The following KCTD20 variants were observed in gnomAD, a reference collection of about 807,000 sequenced individuals.
The protein encoded by KCTD20 is BTB/POZ domain-containing protein KCTD20.
A neutral mutation model predicts 39.6 loss-of-function variants in KCTD20; 30 were observed. The ratio of observed to expected loss-of-function variants is 0.76; its 90% CI spans 0.57 to 1.03. The LOEUF (loss-of-function observed/expected upper bound fraction) is 1.03, where lower values mean the gene tolerates loss of function less well. Ranked by LOEUF, KCTD20 falls within the 50% of genes least tolerant of loss-of-function variation. The pLI is 0.00. For missense variants in KCTD20, 422 were observed against 522.0 expected (o/e 0.81, Z 1.87); for synonymous variants, 162 against 180.6 (o/e 0.90, Z 0.83).
intron 1 of KCTD20, among the ~76,000 whole-genome samples, chr6:36,461,334 T>G (rs2127437443): frequency 6.6e-6 from 1 of 152,306 alleles, no homozygotes; most frequent in South Asian, 2.1e-4. Context: ...AAGGATTTGC[T>G]TGGTAGGCAT....
intron 1 of KCTD20, among the ~76,000 whole-genome samples, chr6:36,459,390 T>G (rs896458698): frequency 6.6e-6 from 1 of 152,236 alleles, no homozygotes; most frequent in Non-Finnish European, 1.5e-5. Flanking sequence ...ATACCATAAT[T>G]TTTCACTTCA....
At chr6:36,453,372 G>A (rs949856401) in intron 1 of KCTD20, among the ~76,000 whole-genome samples, 4 of 151,942 alleles carry the variant, frequency 2.6e-5, no homozygotes, top group Non-Finnish European at 5.9e-5. Context: ...ATTTTTCTCA[G>A]TTGAGCTTGT....
intron 3 of KCTD20, among the ~76,000 whole-genome samples, chr6:36,477,352 G>T (rs1776092694): frequency 6.6e-6 from 1 of 152,172 alleles, no homozygotes; most frequent in African/African-American, 2.4e-5. Context: ...AGAGCTCTCT[G>T]AGCTAGACTT....
chr6:36,476,272 G>A (rs1353053726), intron 3 of KCTD20, among the ~76,000 whole-genome samples: 1 of 152,086 alleles, frequency 6.6e-6, no homozygotes, highest in East Asian at 1.9e-4. Flanking sequence ...CTTAGAAGTA[G>A]ATTTTATTTT....
At chr6:36,449,209 G>A (rs1476525653) in intron 1 of KCTD20, among the ~76,000 whole-genome samples, 2 of 152,154 alleles carry the variant, frequency 1.3e-5, no homozygotes, top group Non-Finnish European at 2.9e-5. Context: ...CCATTTTACA[G>A]AGTGCTGATT....
At chr6:36,445,848 A>G (rs1323170367) in intron 1 of KCTD20, among the ~76,000 whole-genome samples, 2 of 152,242 alleles carry the variant, frequency 1.3e-5, no homozygotes, top group East Asian at 3.9e-4. Context: ...TACAAAAGCA[A>G]TATTATCTTA....
At chr6:36,462,530 T>C (rs1164800200) in intron 1 of KCTD20, among the ~76,000 whole-genome samples, 1 of 152,216 alleles carries the variant, frequency 6.6e-6, no homozygotes, top group African/African-American at 2.4e-5. Flanking sequence ...TAAAGACTTA[T>C]TGAATAAGAA....
At chr6:36,466,251 C>T (rs1236237043) in intron 1 of KCTD20, among the ~76,000 whole-genome samples, 2 of 151,220 alleles carry the variant, frequency 1.3e-5, no homozygotes, top group South Asian at 2.1e-4. Flanking sequence ...TTAGTAGAGA[C>T]GGGGTTTCAC....
chr6:36,463,040 T>C (rs533510764), intron 1 of KCTD20, among the ~76,000 whole-genome samples: 1 of 152,366 alleles, frequency 6.6e-6, no homozygotes, highest in Non-Finnish European at 1.5e-5. Context: ...GCTCCTTAGA[T>C]GATGATGTGC....
intron 6 of KCTD20, 118 bp downstream of exon 6, chr6:36,481,877 C>T (rs1044889060): frequency 1.2e-6 from 1 of 822,308 alleles, no homozygotes; most frequent in African/African-American, 1.7e-5. Context: ...GCACACTCAC[C>T]TGGATGACAA....
At chr6:36,456,268 C>A (rs1011365535) in intron 1 of KCTD20, among the ~76,000 whole-genome samples, 1 of 152,074 alleles carries the variant, frequency 6.6e-6, no homozygotes, top group Non-Finnish European at 1.5e-5. Context: ...CATAGCAAGA[C>A]CCCATCGCTA....
chr6:36,447,629 CAA>C (rs1014430837), intron 1 of KCTD20, among the ~76,000 whole-genome samples: 2 of 132,314 alleles, frequency 1.5e-5, no homozygotes, highest in African/African-American at 2.8e-5. Flanking sequence ...GACTCTGTCT[CAA>C]AAAAAAAAAG....
intron 1 of KCTD20, among the ~76,000 whole-genome samples, chr6:36,445,423 G>A (rs967272860): frequency 6.6e-6 from 1 of 152,012 alleles, no homozygotes; most frequent in Non-Finnish European, 1.5e-5. Flanking sequence ...CCTCTCTTTG[G>A]TGTCTGATTT....
At chr6:36,477,763 C>T (rs1469035680) in intron 3 of KCTD20, among the ~76,000 whole-genome samples, 4 of 148,162 alleles carry the variant, frequency 2.7e-5, no homozygotes, top group Admixed American at 2.0e-4. Flanking sequence ...GGATTACAGG[C>T]GTGAGCCACC....
At chr6:36,450,164 A>T (rs1207324038) in intron 1 of KCTD20, among the ~76,000 whole-genome samples, 4 of 3,292 alleles carry the variant, frequency 1.2e-3, no homozygotes, top group Non-Finnish European at 3.6e-3. Flanking sequence ...ACTCCGTCCT[A>T]AAAAAAAAAA....
At chr6:36,465,287 A>C (rs1411692076) in intron 1 of KCTD20, among the ~76,000 whole-genome samples, 1 of 131,470 alleles carries the variant, frequency 7.6e-6, no homozygotes, top group Non-Finnish European at 1.6e-5. Flanking sequence ...GAAGGGTGAG[A>C]TTCCGTCTCA....
intron 1 of KCTD20, among the ~76,000 whole-genome samples, chr6:36,460,254 TTC>T (rs1235493177): frequency 6.6e-6 from 1 of 152,186 alleles, no homozygotes; most frequent in Non-Finnish European, 1.5e-5. Flanking sequence ...AATTATAGAA[TTC>T]CATCTAACCA....
At chr6:36,478,333 T>C (rs1450750364) in intron 3 of KCTD20, among the ~76,000 whole-genome samples, 1 of 152,128 alleles carries the variant, frequency 6.6e-6, no homozygotes, top group East Asian at 1.9e-4. Flanking sequence ...CATGGGGTCA[T>C]TTAGACTGCA....
Position 36,458,541 on chromosome 6 carries a change from C to G in KCTD20, c.-46-11511C>G, listed in dbSNP as rs1235273479. On this transcript the variant is annotated intron_variant, in intron 1 of 7. Coordinates refer to ENST00000373731, the MANE Select transcript of KCTD20 (RefSeq NM_173562.5). ...GGGCAACAAGAGCAAAACTCCATCT[C>G]AAAAAAAAAAAAAAAAAAAGAAAAG... Among the ~76,000 whole-genome samples the G allele has an allele frequency of 1.9e-4, 13 of 66,880 alleles. No homozygotes were observed. In the East Asian group the frequency reaches 5.1e-3, roughly 26 times the overall value. 43.9% of individuals were successfully genotyped at this position (66,880 alleles called of 152,430 possible).
Sources: gnomAD v4.1 joint callset for allele counts (sites outside exome capture counted in the v4.1 genomes callset) on GRCh38, gnomAD v4.1.1 for gene constraint, MANE v1.5 for transcripts, NCBI Gene and HGNC (gene_info 2026-07-23, HGNC 2026-07-21) for gene names.